Variants in LNPEP observed in about 807,000 individuals in gnomAD.
The protein encoded by LNPEP is leucyl and cystinyl aminopeptidase.
Under a neutral mutation model 120.6 loss-of-function variants are expected in LNPEP, and 64 were observed. The ratio of observed to expected loss-of-function variants is 0.53; its 90% CI spans 0.43 to 0.65. LNPEP has a LOEUF of 0.65. Ranked by LOEUF, LNPEP falls within the 30% of genes least tolerant of loss-of-function variation. The pLI is 0.00. For missense variants in LNPEP, 1,057 were observed against 1,200.0 expected (o/e 0.88, Z 1.76); for synonymous variants, 435 against 425.4 (o/e 1.02, Z -0.28).
chr5:96,999,050 G>T (rs1017343981), intron 8 of LNPEP, among the ~76,000 whole-genome samples: 1 of 152,092 alleles, frequency 6.6e-6, no homozygotes, highest in Non-Finnish European at 1.5e-5. Flanking sequence ...ACGTGAAGAG[G>T]GAAAAGAAGA....
Position 96,943,701 on chromosome 5 carries a change from G to A in LNPEP, c.19+7527G>A, listed in dbSNP as rs139428129. 2.6e-3 allele frequency among the ~76,000 whole-genome samples: 402 copies of A among 152,306 alleles called. 1 individual carries two copies. Among genetic ancestry groups the A allele is most frequent in the Middle Eastern group, 0.01 (3 of 294 alleles). On this transcript the variant is annotated intron_variant, in intron 1 of 17. Coordinates refer to ENST00000231368, the MANE Select transcript of LNPEP (RefSeq NM_005575.3). The stretch of plus-strand genomic sequence containing the variant: ...ATTCCATCCTTAACATGTAAATGAG[G>A]AGGAAACCAGGTCATTTGCCAAATA...
chr5:97,015,180 A>G, intron 13 of LNPEP, 85 bp downstream of exon 13: 1 of 842,018 alleles, frequency 1.2e-6, no homozygotes, highest in Non-Finnish European at 1.7e-6. Context: ...AATAGGCTGA[A>G]AAAGCAACCA....
chr5:97,026,538 A>G (rs1791343338), intron 15 of LNPEP, 79 bp from the exon 16 acceptor site: 6 of 1,129,478 alleles, frequency 5.3e-6, no homozygotes, highest in Non-Finnish European at 7.8e-6. Flanking sequence ...TTAGGAAACC[A>G]TACTAATTTT....
chr5:96,975,343 C>T (rs1045678118), intron 1 of LNPEP, among the ~76,000 whole-genome samples: 8 of 152,266 alleles, frequency 5.3e-5, no homozygotes, highest in Non-Finnish European at 7.4e-5. Flanking sequence ...GAATGACATT[C>T]CTTCTTTTCA....
Position 96,981,516 on chromosome 5 carries a change from G to A in LNPEP, c.860+1538G>A, listed in dbSNP as rs924266501. On this transcript the variant is annotated intron_variant, in intron 2 of 17. Transcript: ENST00000231368. ...CCATGGCAAGAGTCAACAAGTGGCC[G>A]TACCAAAAATCACCTTACTCTGCTG... Among the ~76,000 whole-genome samples the A allele has an allele frequency of 5.3e-5, 8 of 152,096 alleles. 1 individual carries two copies. Among genetic ancestry groups the A allele is most frequent in the African/African-American group, 1.2e-4 (5 of 41,416 alleles).
intron 1 of LNPEP, among the ~76,000 whole-genome samples, chr5:96,965,897 A>G (rs891189744): frequency 6.6e-6 from 1 of 152,060 alleles, no homozygotes; most frequent in African/African-American, 2.4e-5. Context: ...TAAGATTTGT[A>G]TTATATTATA....
chr5:97,003,639 G>T, intron 9 of LNPEP, 93 bp downstream of exon 9: 1 of 803,898 alleles, frequency 1.2e-6, no homozygotes, highest in Admixed American at 2.8e-5. Flanking sequence ...GTTAATCTGT[G>T]GTACAAAGCA....
At chr5:96,970,139 A>G (rs1789826623) in intron 1 of LNPEP, among the ~76,000 whole-genome samples, 2 of 151,884 alleles carry the variant, frequency 1.3e-5, no homozygotes, top group Non-Finnish European at 1.5e-5. Flanking sequence ...AATGTTTCAT[A>G]TGTATTTCTG....
chr5:97,020,180 A>G (rs1791159638), intron 13 of LNPEP, among the ~76,000 whole-genome samples: 1 of 152,208 alleles, frequency 6.6e-6, no homozygotes, highest in Non-Finnish European at 1.5e-5. Flanking sequence ...AGTCATTGCT[A>G]GGATAATGGT....
chr5:97,018,155 G>A (rs1791109515), intron 13 of LNPEP, among the ~76,000 whole-genome samples: 1 of 152,112 alleles, frequency 6.6e-6, no homozygotes, highest in Non-Finnish European at 1.5e-5. Flanking sequence ...AGTACAGGTA[G>A]CAATAAATAA....
intron 1 of LNPEP, among the ~76,000 whole-genome samples, chr5:96,956,694 T>G (rs980763945): frequency 1.3e-5 from 2 of 152,232 alleles, no homozygotes; most frequent in African/African-American, 4.8e-5. Flanking sequence ...TTGTGAAGTT[T>G]GAGGTGATTG....
At chr5:96,939,263 G>A (rs1788995116) in intron 1 of LNPEP, among the ~76,000 whole-genome samples, 1 of 150,368 alleles carries the variant, frequency 6.7e-6, no homozygotes, top group African/African-American at 2.5e-5. Flanking sequence ...GCCCAGGCTG[G>A]AGTGCAGTGG....
At position 97,032,756 on chromosome 5, in the gene LNPEP, G is replaced by A. The variant is rs1349574717; in HGVS notation, c.*4223G>A. 1.3e-5 allele frequency: 2 copies of A among 152,196 alleles called. No individual in the cohort carries two copies. Among genetic ancestry groups the A allele is most frequent in the East Asian group, 1.9e-4 (1 of 5,200 alleles). 9.4% of individuals were successfully genotyped at this position (152,196 alleles called of 1,614,324 possible). A position where few individuals can be genotyped will look rare whatever the true frequency, so the allele number is the denominator to read the frequency against. ...TTTCATTCATCCATTTTGTGGACGTGTAGATAAAACGCGGTGGTCCAAAAG... is the reference window on the plus strand; with the variant it reads ...TTTCATTCATCCATTTTGTGGACGTATAGATAAAACGCGGTGGTCCAAAAG... On this transcript the variant is annotated 3_prime_UTR_variant, in exon 18 of 18. Transcript: ENST00000231368.
chr5:96,948,551 C>T (rs1789247778), intron 1 of LNPEP, among the ~76,000 whole-genome samples: 1 of 152,202 alleles, frequency 6.6e-6, no homozygotes, highest in Admixed American at 6.5e-5. Context: ...CAAATAGATA[C>T]ATTAAATGCA....
chr5:96,992,722 A>G (rs540319309), intron 4 of LNPEP, among the ~76,000 whole-genome samples: 2 of 136,702 alleles, frequency 1.5e-5, no homozygotes, highest in Non-Finnish European at 3.1e-5. Flanking sequence ...AATACTTATA[A>G]GTTGCTATAA....
At chr5:96,968,579 T>C (rs1789783855) in intron 1 of LNPEP, among the ~76,000 whole-genome samples, 1 of 152,124 alleles carries the variant, frequency 6.6e-6, no homozygotes, top group African/African-American at 2.4e-5. Context: ...TCTTACTATG[T>C]ATGGCGTACT....
In LNPEP at chr5:96,979,266, G is replaced by T; in HGVS notation, c.148G>T (p.Gly50Cys). 1 of 1,613,974 alleles carries T rather than the reference G, an allele frequency of 6.2e-7. No individual in the cohort carries two copies. Among genetic ancestry groups the T allele is most frequent in the Non-Finnish European group, 8.5e-7 (1 of 1,179,894 alleles). Residue 50 changes from glycine (G) to cysteine (C), a missense_variant, in exon 2 of 18, where the codon GGT (glycine) becomes TGT (cysteine). Transcript: ENST00000231368. ...TGATGAGGTGGAATATGAGCCCCGGGGTTCCCGACTGCTGGTGCGGGGTCT... is the reference window on the plus strand; with the variant it reads ...TGATGAGGTGGAATATGAGCCCCGGTGTTCCCGACTGCTGGTGCGGGGTCT... ...EPDEVEYEPR[G>C]SRLLVRGLGE...
intron 1 of LNPEP, among the ~76,000 whole-genome samples, chr5:96,938,482 C>T (rs1418562474): frequency 1.3e-5 from 2 of 152,192 alleles, no homozygotes; most frequent in Admixed American, 1.3e-4. Flanking sequence ...GTGGTTCCAT[C>T]TACTGACCTA....
In LNPEP at chr5:97,032,490, C is replaced by T. The variant is rs1791490632; in HGVS notation, c.*3957C>T. The T allele has an allele frequency of 6.6e-6, 1 of 151,980 alleles. No individual in the cohort carries two copies. The highest frequency in any genetic ancestry group is 1.5e-5 in the Non-Finnish European group (1 of 68,014). 9.4% of individuals were successfully genotyped at this position (151,980 alleles called of 1,614,324 possible). ...AGTATATACTTTAAAAATGTACATA[C>T]ATGTTTTTGATAGTTTTTATATTAT... is the stretch of plus-strand genomic sequence containing the variant. On this transcript the variant is annotated 3_prime_UTR_variant, in exon 18 of 18. Transcript: ENST00000231368.
Sources: gnomAD v4.1 joint callset for allele counts (sites outside exome capture counted in the v4.1 genomes callset) on GRCh38, gnomAD v4.1.1 for gene constraint, MANE v1.5 for transcripts, NCBI Gene and HGNC (gene_info 2026-07-23, HGNC 2026-07-21) for gene names.